The following PPP2R2B variants were observed in gnomAD, a reference collection of about 807,000 sequenced individuals.
PPP2R2B encodes the protein serine/threonine-protein phosphatase 2A 55 kDa regulatory subunit B beta isoform.
PPP2R2B carries 5 observed loss-of-function variants against 46.0 expected under a neutral mutation model. That is an observed-to-expected ratio of 0.11 (90% confidence interval 0.06 to 0.23). PPP2R2B has a LOEUF of 0.23. Ranked by LOEUF, PPP2R2B falls within the 10% of genes least tolerant of loss-of-function variation. PPP2R2B has a pLI of 1.00. For missense variants in PPP2R2B, 367 were observed against 575.0 expected (o/e 0.64, Z 3.70); for synonymous variants, 215 against 206.7 (o/e 1.04, Z -0.34).
intron 7 of PPP2R2B, among the ~76,000 whole-genome samples, chr5:146,620,820 A>G (rs1435526954): frequency 1.3e-5 from 2 of 152,186 alleles, no homozygotes; most frequent in Non-Finnish European, 2.9e-5. Flanking sequence ...TTACTCCAAG[A>G]GAAGCCCGAA....
At chr5:146,647,941 G>C (rs1352340698) in intron 6 of PPP2R2B, among the ~76,000 whole-genome samples, 9 of 152,220 alleles carry the variant, frequency 5.9e-5, no homozygotes, top group Admixed American at 5.9e-4. Context: ...CTGATGGTCA[G>C]TTCTCATTGT....
At chr5:146,717,262 G>C (rs1373599121) in intron 2 of PPP2R2B, among the ~76,000 whole-genome samples, 1 of 152,212 alleles carries the variant, frequency 6.6e-6, no homozygotes, top group African/African-American at 2.4e-5. Context: ...TAGGAGAGGA[G>C]TGAAAATCAG....
intron 7 of PPP2R2B, among the ~76,000 whole-genome samples, chr5:146,620,700 C>A (rs1773608421): frequency 6.6e-6 from 1 of 152,168 alleles, no homozygotes; most frequent in African/African-American, 2.4e-5. Context: ...ACATCACAGG[C>A]TAGAGACTTC....
At chr5:146,738,720 G>C (rs543266393) in intron 2 of PPP2R2B, among the ~76,000 whole-genome samples, 1 of 152,118 alleles carries the variant, frequency 6.6e-6, no homozygotes, top group Non-Finnish European at 1.5e-5. Flanking sequence ...GTCAGATGTC[G>C]TTAAAGTTCT....
At chr5:146,850,696 T>C (rs1458711657) in intron 2 of PPP2R2B, among the ~76,000 whole-genome samples, 3 of 152,172 alleles carry the variant, frequency 2.0e-5, no homozygotes, top group Non-Finnish European at 2.9e-5. Flanking sequence ...ATCCTCTTAT[T>C]ACACACTCTC....
At chr5:146,703,167 A>G (rs1323463191) in intron 2 of PPP2R2B, among the ~76,000 whole-genome samples, 3 of 152,300 alleles carry the variant, frequency 2.0e-5, no homozygotes, top group East Asian at 3.9e-4. Context: ...TGGCTTTTCA[A>G]TGAATGGTTA....
At chr5:146,904,786 T>C (rs1437622829) in intron 1 of PPP2R2B, among the ~76,000 whole-genome samples, 3 of 152,142 alleles carry the variant, frequency 2.0e-5, no homozygotes, top group Admixed American at 6.5e-5. Context: ...GGCACGGACA[T>C]GGTACTGGAG....
At chr5:147,025,696 A>G (rs1428778676) in intron 1 of PPP2R2B, among the ~76,000 whole-genome samples, 1 of 152,064 alleles carries the variant, frequency 6.6e-6, no homozygotes, top group Non-Finnish European at 1.5e-5. Context: ...TGGATCTAGA[A>G]TATATAAAGG....
intron 2 of PPP2R2B, among the ~76,000 whole-genome samples, chr5:146,725,380 T>C (rs1751799631): frequency 1.3e-5 from 2 of 152,056 alleles, no homozygotes. Flanking sequence ...GCCACTACAC[T>C]GTCAGAAGGC....
intron 1 of PPP2R2B, among the ~76,000 whole-genome samples, chr5:147,050,074 G>C (rs1756730916): frequency 6.6e-6 from 1 of 152,166 alleles, no homozygotes; most frequent in African/African-American, 2.4e-5. Flanking sequence ...TGATGTGCTT[G>C]AGTAAGAGAG....
intron 7 of PPP2R2B, among the ~76,000 whole-genome samples, chr5:146,627,896 T>C (rs1331791852): frequency 6.6e-6 from 1 of 152,156 alleles, no homozygotes; most frequent in Non-Finnish European, 1.5e-5. Flanking sequence ...CTTCTTCTCA[T>C]TGGAACTCGG....
intron 1 of PPP2R2B, among the ~76,000 whole-genome samples, chr5:147,033,288 C>T (rs1580833388): frequency 2.6e-5 from 4 of 152,222 alleles, no homozygotes; most frequent in Non-Finnish European, 4.4e-5. Context: ...ACCATCTATA[C>T]CTCTCATTCT....
At chr5:146,721,291 C>T (rs1451185575) in intron 2 of PPP2R2B, among the ~76,000 whole-genome samples, 1 of 152,168 alleles carries the variant, frequency 6.6e-6, no homozygotes, top group Admixed American at 6.5e-5. Context: ...AATTTAGAAA[C>T]TTGCAGTGCT....
At chr5:146,811,129 G>A (rs1264129855) in intron 2 of PPP2R2B, among the ~76,000 whole-genome samples, 1 of 151,478 alleles carries the variant, frequency 6.6e-6, no homozygotes, top group Non-Finnish European at 1.5e-5. Context: ...TCAGCCTCCC[G>A]AGTAGCTGGG....
At chr5:146,643,006 G>T (rs1159956265) in intron 6 of PPP2R2B, among the ~76,000 whole-genome samples, 1 of 152,158 alleles carries the variant, frequency 6.6e-6, no homozygotes, top group Admixed American at 6.5e-5. Context: ...GCAGTGAGTG[G>T]TAATTGTGCC....
intron 2 of PPP2R2B, among the ~76,000 whole-genome samples, chr5:146,779,296 C>A (rs1755367183): frequency 6.6e-6 from 1 of 152,144 alleles, no homozygotes; most frequent in Non-Finnish European, 1.5e-5. Flanking sequence ...ATGCTGGAAA[C>A]GAGACTGTCC....
At chr5:146,694,615 T>G (rs1179416824) in intron 4 of PPP2R2B, among the ~76,000 whole-genome samples, 1 of 152,176 alleles carries the variant, frequency 6.6e-6, no homozygotes, top group East Asian at 1.9e-4. Context: ...ATAGTACTTT[T>G]TCTATGTACT....
At chr5:146,858,167 A>T (rs1294005277) in intron 2 of PPP2R2B, among the ~76,000 whole-genome samples, 2 of 152,214 alleles carry the variant, frequency 1.3e-5, no homozygotes, top group East Asian at 3.9e-4. Context: ...AGAGAGGTTA[A>T]ATAACTTGCC....
intron 5 of PPP2R2B, among the ~76,000 whole-genome samples, chr5:146,660,960 C>T (rs1230690912): frequency 6.6e-6 from 1 of 152,104 alleles, no homozygotes; most frequent in African/African-American, 2.4e-5. Context: ...GTCACTGATG[C>T]TACAAAGAGA....
Sources: allele counts gnomAD v4.1 joint callset (sites outside exome capture counted in the v4.1 genomes callset), GRCh38; gene constraint gnomAD v4.1.1; transcripts MANE v1.5; gene names NCBI Gene and HGNC (gene_info 2026-07-23, HGNC 2026-07-21).